The following CBFB variants were observed in gnomAD, a reference collection of about 807,000 sequenced individuals.
CBFB encodes core-binding factor subunit beta.
Under a neutral mutation model 30.4 loss-of-function variants are expected in CBFB, and 9 were observed. The observed-to-expected ratio is 0.30, with a 90% CI of 0.18 to 0.52. The LOEUF is 0.52. Among genes scored for constraint, CBFB ranks in the 20% least tolerant of loss-of-function variants. CBFB has a pLI of 0.97. For missense variants in CBFB, 170 were observed against 244.0 expected, an observed-to-expected ratio of 0.70 and a Z score of 2.02; for synonymous variants, 94 against 84.0, an observed-to-expected ratio of 1.12 and a Z score of -0.65.
At chr16:67,066,945 C>T (rs1425517530) in intron 4 of CBFB, 147 bp downstream of exon 4, 5 of 490,186 alleles carry the variant, frequency 1.0e-5, no homozygotes, top group African/African-American at 5.9e-5. Context: ...AATGTTGATA[C>T]TCAAATTCTG....
Position 67,095,676 on chromosome 16 carries a change from G to C in CBFB, c.496-3034G>C, listed in dbSNP as rs562251559. ...ACTGCACTCCAGCCTGGGCAACACA[G>C]CAAGACCTCATCTGTTTTTTTTTTT... On this transcript the variant is annotated intron_variant, in intron 5 of 5. Coordinates refer to ENST00000412916, the MANE Select transcript of CBFB (RefSeq NM_022845.3). 7.3e-5 allele frequency among the ~76,000 whole-genome samples: 11 copies of C among 150,108 alleles called. No homozygotes were observed. The East Asian group carries it at 2.0e-3, about 27-fold the overall frequency.
At chr16:67,045,561 C>T (rs1966611025) in intron 3 of CBFB, among the ~76,000 whole-genome samples, 1 of 151,970 alleles carries the variant, frequency 6.6e-6, no homozygotes, top group African/African-American at 2.4e-5. Flanking sequence ...TGTCATAGTA[C>T]CTTCCAGTTA....
intron 3 of CBFB, among the ~76,000 whole-genome samples, chr16:67,063,542 A>G (rs1319794566): frequency 1.3e-4 from 20 of 152,074 alleles, no homozygotes; most frequent in Admixed American, 1.3e-3. Flanking sequence ...CCCAGGTTCA[A>G]GCGATTATCC....
chr16:67,087,983 TTTAG>T (rs1412639152), intron 5 of CBFB, among the ~76,000 whole-genome samples: 1 of 151,906 alleles, frequency 6.6e-6, no homozygotes, highest in Non-Finnish European at 1.5e-5. Context: ...AGAACATCCT[TTTAG>T]TTCTCTGAAG....
intron 4 of CBFB, among the ~76,000 whole-genome samples, chr16:67,068,774 A>T (rs1394403215): frequency 6.6e-6 from 1 of 152,246 alleles, no homozygotes; most frequent in Non-Finnish European, 1.5e-5. Context: ...AGTGAGAAAG[A>T]CTTCAAAGTA....
chr16:67,039,247 A>G (rs1042314199), intron 3 of CBFB, among the ~76,000 whole-genome samples: 4 of 152,212 alleles, frequency 2.6e-5, no homozygotes, highest in African/African-American at 7.2e-5. Context: ...ACTGTAGTCA[A>G]CTGTAACACA....
chr16:67,078,067 C>T (rs1251073217), intron 4 of CBFB, among the ~76,000 whole-genome samples: 1 of 152,202 alleles, frequency 6.6e-6, no homozygotes, highest in South Asian at 2.1e-4. Flanking sequence ...CCATTTGAGC[C>T]TACTTTGTGG....
intron 4 of CBFB, among the ~76,000 whole-genome samples, chr16:67,078,231 A>C (rs1001145891): frequency 4.6e-5 from 7 of 152,220 alleles, no homozygotes; most frequent in Non-Finnish European, 5.9e-5. Flanking sequence ...TTCACTGCAC[A>C]TATGTCTCAC....
chr16:67,039,303 G>T (rs1203855322), intron 3 of CBFB, among the ~76,000 whole-genome samples: 1 of 152,098 alleles, frequency 6.6e-6, no homozygotes, highest in Non-Finnish European at 1.5e-5. Context: ...ACATAGAAAA[G>T]ATATGGTAAA....
chr16:67,045,037 A>T (rs1966597982), intron 3 of CBFB, among the ~76,000 whole-genome samples: 1 of 152,214 alleles, frequency 6.6e-6, no homozygotes, highest in African/African-American at 2.4e-5. Flanking sequence ...TGCTTTAGAT[A>T]AACTATAATA....
chr16:67,053,008 CAAAAAAAAAAAAAA>C (rs1472222810), intron 3 of CBFB, among the ~76,000 whole-genome samples: 1 of 121,924 alleles, frequency 8.2e-6, no homozygotes, highest in Non-Finnish European at 1.7e-5. Context: ...GATGCTATCT[CAAAAAAAAAAAAAA>C]GAAAAAAAGA....
intron 3 of CBFB, among the ~76,000 whole-genome samples, chr16:67,059,454 T>A (rs1960827377): frequency 1.3e-5 from 2 of 152,196 alleles, no homozygotes; most frequent in African/African-American, 4.8e-5. Context: ...TTTGGAGCAT[T>A]TGATGAAAGC....
At chr16:67,038,348 A>C in intron 3 of CBFB, among the ~76,000 whole-genome samples, 1 of 150,836 alleles carries the variant, frequency 6.6e-6, no homozygotes, top group Middle Eastern at 3.4e-3. Context: ...ATATGTATAT[A>C]TGTGTGTGTA....
At chr16:67,055,357 C>CTTTCTTTTTT (rs1484285498) in intron 3 of CBFB, among the ~76,000 whole-genome samples, 1 of 81,474 alleles carries the variant, frequency 1.2e-5, no homozygotes, top group African/African-American at 5.4e-5. Flanking sequence ...CAGACACTTT[C>CTTTCTTTTTT]TTTTTTTTTT....
intron 3 of CBFB, among the ~76,000 whole-genome samples, chr16:67,061,230 CCTG>C (rs1418837998): frequency 6.6e-6 from 1 of 152,156 alleles, no homozygotes. Context: ...CACTTTTTAA[CCTG>C]CTGTGAAGTC....
At chr16:67,038,885 A>G (rs1392106850) in intron 3 of CBFB, among the ~76,000 whole-genome samples, 1 of 152,192 alleles carries the variant, frequency 6.6e-6, no homozygotes, top group Non-Finnish European at 1.5e-5. Context: ...TAACTAGTAA[A>G]TGGGTTGTTA....
At chr16:67,064,026 A>C (rs1466716116) in intron 3 of CBFB, among the ~76,000 whole-genome samples, 1 of 152,238 alleles carries the variant, frequency 6.6e-6, no homozygotes, top group Admixed American at 6.5e-5. Flanking sequence ...TGGTGCAGGT[A>C]AATGAAAAGC....
chr16:67,079,092 C>T (rs1961484860), intron 4 of CBFB, among the ~76,000 whole-genome samples: 1 of 152,144 alleles, frequency 6.6e-6, no homozygotes, highest in Non-Finnish European at 1.5e-5. Flanking sequence ...TATAGTAGGT[C>T]CATGTTATGA....
chr16:67,078,169 G>T (rs1052539248), intron 4 of CBFB, among the ~76,000 whole-genome samples: 2 of 152,188 alleles, frequency 1.3e-5, no homozygotes, highest in South Asian at 4.1e-4. Context: ...GGATAATACT[G>T]GTAATTGCTG....
Sources: allele counts gnomAD v4.1 joint callset (sites outside exome capture counted in the v4.1 genomes callset), GRCh38; gene constraint gnomAD v4.1.1; transcripts MANE v1.5; gene names NCBI Gene and HGNC (gene_info 2026-07-23, HGNC 2026-07-21).